SNX29: variants seen among roughly 807,000 people sequenced by gnomAD.
SNX29 encodes sorting nexin-29.
SNX29 carries 78 observed loss-of-function variants against 102.1 expected under a neutral mutation model. The observed-to-expected ratio is 0.76, with a 90% CI of 0.64 to 0.92. The LOEUF (loss-of-function observed/expected upper bound fraction) is 0.92. Ranked by LOEUF, SNX29 falls within the 40% of genes least tolerant of loss-of-function variation. The pLI, the probability that SNX29 is intolerant of heterozygous loss-of-function variation, is 0.00. For missense variants in SNX29, 1,280 were observed against 1,061.7 expected, an observed-to-expected ratio of 1.21 and a Z score of -2.86; for synonymous variants, 580 against 414.5, an observed-to-expected ratio of 1.40 and a Z score of -4.85.
At position 12,454,022 on chromosome 16, in the gene SNX29, G is replaced by A. The variant is rs1364899698; in HGVS notation, c.2038-23697G>A. On this transcript the variant is annotated intron_variant, in intron 18 of 20. Transcript: ENST00000566228. ...GGGCATTATGCCCACATAGAAAATAGTAAATTTCTCAGCTTCCCTTGCAGC... is the reference window on the plus strand; with the variant it reads ...GGGCATTATGCCCACATAGAAAATAATAAATTTCTCAGCTTCCCTTGCAGC... 3.9e-5 allele frequency among the ~76,000 whole-genome samples: 6 copies of A among 152,088 alleles called. No homozygotes were observed. In the East Asian group the frequency reaches 9.6e-4, roughly 24 times the overall value.
At position 12,353,618 on chromosome 16, in the gene SNX29, G is replaced by A. The variant is rs534783465; in HGVS notation, c.1783-2545G>A. ...CTCCTCCCTGCCAGCCTCTGGTGCC[G>A]GCATTTGCACCTGTAGTTTCCTCCA... is the stretch of plus-strand genomic sequence containing the variant. On this transcript the variant is annotated intron_variant, in intron 15 of 20. Coordinates refer to ENST00000566228, the MANE Select transcript of SNX29 (RefSeq NM_032167.5). Among the ~76,000 whole-genome samples, 13 of 152,234 alleles carry A rather than the reference G, an allele frequency of 8.5e-5. No homozygotes were observed. In the South Asian group the frequency reaches 1.9e-3, roughly 22 times the overall value.
At chr16:12,083,239 A>G (rs2051996909) in intron 11 of SNX29, among the ~76,000 whole-genome samples, 1 of 151,096 alleles carries the variant, frequency 6.6e-6, no homozygotes, top group Non-Finnish European at 1.5e-5. Context: ...CTGGGAGGCA[A>G]AGGCTGCAGT....
At chr16:12,554,669 C>G (rs565397232) in intron 20 of SNX29, among the ~76,000 whole-genome samples, 1 of 152,210 alleles carries the variant, frequency 6.6e-6, no homozygotes, top group East Asian at 1.9e-4. Flanking sequence ...TTGCTAACCA[C>G]AGGGATGCCA....
At chr16:12,396,510 A>G (rs1022847160) in intron 16 of SNX29, among the ~76,000 whole-genome samples, 1 of 152,154 alleles carries the variant, frequency 6.6e-6, no homozygotes, top group Non-Finnish European at 1.5e-5. Flanking sequence ...TGCCCAGAAG[A>G]GCTTTTCCCA....
chr16:12,318,084 G>T (rs985204692), intron 15 of SNX29, among the ~76,000 whole-genome samples: 5 of 152,242 alleles, frequency 3.3e-5, no homozygotes, highest in Admixed American at 6.5e-5. Flanking sequence ...TGTCAGCGGT[G>T]CTGTGACTGA....
intron 20 of SNX29, among the ~76,000 whole-genome samples, chr16:12,560,076 CCT>C (rs1303955692): frequency 6.6e-6 from 1 of 152,152 alleles, no homozygotes; most frequent in Non-Finnish European, 1.5e-5. Flanking sequence ...TAACTACTGT[CCT>C]AACAGTGGTT....
intron 20 of SNX29, among the ~76,000 whole-genome samples, chr16:12,533,613 C>T (rs1190011219): frequency 6.6e-6 from 1 of 152,178 alleles, no homozygotes; most frequent in African/African-American, 2.4e-5. Context: ...CACCCCGCTA[C>T]CTGGACTGAC....
chr16:12,388,656 G>C (rs1300630253), intron 16 of SNX29, among the ~76,000 whole-genome samples: 16 of 152,298 alleles, frequency 1.1e-4, no homozygotes, highest in African/African-American at 3.8e-4. Context: ...TACATAACTG[G>C]CTGAGTGGGA....
chr16:12,245,412 A>G (rs1260776001), intron 14 of SNX29, among the ~76,000 whole-genome samples: 1 of 151,702 alleles, frequency 6.6e-6, no homozygotes, highest in Non-Finnish European at 1.5e-5. Context: ...TTTTTGACAA[A>G]CATGTCAAAG....
At chr16:12,369,240 A>G (rs1413896000) in intron 16 of SNX29, among the ~76,000 whole-genome samples, 1 of 151,750 alleles carries the variant, frequency 6.6e-6, no homozygotes, top group Non-Finnish European at 1.5e-5. Flanking sequence ...GGTTCAAGCA[A>G]TTCTCCTGCC....
Position 12,573,505 on chromosome 16 carries a change from A to C in SNX29, c.*4876A>C, listed in dbSNP as rs2079230154. The C allele has an allele frequency of 4.4e-6, 1 of 224,914 alleles. No individual in the cohort carries two copies. 13.9% of individuals were successfully genotyped at this position (224,914 alleles called of 1,614,324 possible). On this transcript the variant is annotated 3_prime_UTR_variant, in exon 21 of 21. Coordinates refer to ENST00000566228, the MANE Select transcript of SNX29 (RefSeq NM_032167.5). ...AGATTCTAGATTCACTGGTGGTTTA[A>C]GAGGCCCAGGGATTTAGTTCTTACT...
rs1252606279 is a variant in SNX29, at chr16:12,008,450, G to C, written c.122+5407G>C. On this transcript the variant is annotated intron_variant, in intron 3 of 20. Transcript: ENST00000566228. Reference sequence around the variant, plus strand: ...ATGCCTGGCTAATTTTGTATTTTTAGTAGAGACAGTATTTCTCCATGTTGG... The same window carrying C: ...ATGCCTGGCTAATTTTGTATTTTTACTAGAGACAGTATTTCTCCATGTTGG... Among the ~76,000 whole-genome samples, 3 of 150,710 alleles carry C rather than the reference G, an allele frequency of 2.0e-5. No individual in the cohort carries two copies. In the South Asian group the frequency reaches 6.3e-4, roughly 31 times the overall value.
At chr16:12,109,754 G>A (rs759326914) in intron 11 of SNX29, among the ~76,000 whole-genome samples, 6 of 150,728 alleles carry the variant, frequency 4.0e-5, no homozygotes, top group Non-Finnish European at 8.9e-5. Context: ...TTTTTGACAC[G>A]GAATCCCGCT....
chr16:12,152,206 G>A (rs774580611), intron 13 of SNX29, among the ~76,000 whole-genome samples: 15 of 151,988 alleles, frequency 9.9e-5, no homozygotes, highest in Non-Finnish European at 2.1e-4. Context: ...GGGCAGCAAA[G>A]CAAGACCCTA....
chr16:12,394,579 C>CGACCAGG (rs1451750010), intron 16 of SNX29, among the ~76,000 whole-genome samples: 3 of 152,114 alleles, frequency 2.0e-5, no homozygotes, highest in African/African-American at 7.2e-5. Context: ...CATGTGGTGT[C>CGACCAGG]GACCAGGGCT....
intron 18 of SNX29, among the ~76,000 whole-genome samples, chr16:12,455,168 G>C (rs983966213): frequency 6.6e-6 from 1 of 152,112 alleles, no homozygotes; most frequent in South Asian, 2.1e-4. Flanking sequence ...CCTTCTAGAC[G>C]ACCTGAGTCT....
rs192297264 is a variant in SNX29, at chr16:12,387,146, G to A, written c.1900-11300G>A. Reference sequence around the variant, plus strand: ...TCTCATTAAAAAAATAAAAAAAAAAGAGAGAGCCACACCTAGATTCCCATT... The same window carrying A: ...TCTCATTAAAAAAATAAAAAAAAAAAAGAGAGCCACACCTAGATTCCCATT... On this transcript the variant is annotated intron_variant, in intron 16 of 20. Coordinates refer to ENST00000566228, the MANE Select transcript of SNX29 (RefSeq NM_032167.5). Among the ~76,000 whole-genome samples, 521 of 151,896 alleles carry A rather than the reference G, an allele frequency of 3.4e-3. 1 individual carries two copies. Among genetic ancestry groups the A allele is most frequent in the African/African-American group, 0.012 (503 of 41,402 alleles).
intron 20 of SNX29, among the ~76,000 whole-genome samples, chr16:12,561,722 C>G (rs546868846): frequency 6.6e-6 from 1 of 152,180 alleles, no homozygotes; most frequent in East Asian, 1.9e-4. Context: ...TGTTAAGTTG[C>G]TAGCAGCAGG....
intron 14 of SNX29, among the ~76,000 whole-genome samples, chr16:12,238,774 G>A (rs1338114042): frequency 3.9e-5 from 6 of 152,160 alleles, no homozygotes; most frequent in South Asian, 4.1e-4. Flanking sequence ...AATGAACAAC[G>A]TATCTTTCCT....
Sources: allele counts gnomAD v4.1 joint callset (sites outside exome capture counted in the v4.1 genomes callset), GRCh38; gene constraint gnomAD v4.1.1; transcripts MANE v1.5; gene names NCBI Gene and HGNC (gene_info 2026-07-23, HGNC 2026-07-21).